Variants in SAMD3 observed in about 807,000 individuals in gnomAD.
SAMD3 encodes the protein sterile alpha motif domain containing 3.
A neutral mutation model predicts 58.5 loss-of-function variants in SAMD3; 63 were observed. The ratio of observed to expected loss-of-function variants is 1.08; its 90% CI spans 0.88 to 1.33. The LOEUF (loss-of-function observed/expected upper bound fraction) is 1.33, where lower values mean the gene tolerates loss of function less well. Ranked by LOEUF, SAMD3 falls within the 40% of genes most tolerant of loss-of-function variation. The pLI, the probability that SAMD3 is intolerant of heterozygous loss-of-function variation, is 0.00. For missense variants in SAMD3, 604 were observed against 608.4 expected (o/e 0.99, Z 0.08); for synonymous variants, 220 against 210.3 (o/e 1.05, Z -0.40).
intron 8 of SAMD3, among the ~76,000 whole-genome samples, chr6:130,172,012 C>A (rs1791296291): frequency 6.6e-6 from 1 of 152,162 alleles, no homozygotes; most frequent in African/African-American, 2.4e-5. Context: ...TCTGTTTTAT[C>A]AGAGACTAGG....
chr6:130,255,138 A>G (rs35293577), intron 2 of SAMD3, among the ~76,000 whole-genome samples: 1,842 of 152,282 alleles, frequency 0.012, 18 homozygotes, highest in Non-Finnish European at 0.021. Flanking sequence ...TTCTAGTTTC[A>G]TACCATTGTG....
Position 130,144,531 on chromosome 6 carries a change from G to C in SAMD3, c.1552C>G (p.Pro518Ala). The C allele has an allele frequency of 6.2e-7, 1 of 1,613,716 alleles. No homozygotes were observed. The highest frequency in any genetic ancestry group is 8.5e-7 in the Non-Finnish European group (1 of 1,179,854). Residue 518 changes from proline to alanine, a missense_variant, in exon 12 of 12, where the codon CCA (proline) becomes GCA (alanine). Physicochemically the swap from Pro to Ala is conservative, Grantham distance 27. Coordinates refer to ENST00000439090, the MANE Select transcript of SAMD3 (RefSeq NM_001017373.4). Reference protein sequence around the residue: ...EKENEVGFQHPLT With the variant: ...EKENEVGFQHALT ...TATTTGGCATGCTATTAAGTGAGTG[G>C]GTGCTGAAATCCTACTTCGTTTTCC...
intron 2 of SAMD3, among the ~76,000 whole-genome samples, chr6:130,292,448 G>A (rs1459352472): frequency 7.3e-5 from 11 of 151,370 alleles, no homozygotes; most frequent in Admixed American, 2.6e-4. Context: ...CACCATGCCC[G>A]GCTAATTTTT....
chr6:130,348,848 T>C (rs140084935), intron 1 of SAMD3, among the ~76,000 whole-genome samples: 2 of 151,860 alleles, frequency 1.3e-5, no homozygotes, highest in Non-Finnish European at 2.9e-5. Context: ...CCTCAGCAAA[T>C]GTAAAAGAAC....
chr6:130,229,973 T>A (rs114946452), intron 2 of SAMD3, among the ~76,000 whole-genome samples: 5 of 152,194 alleles, frequency 3.3e-5, no homozygotes, highest in Non-Finnish European at 7.3e-5. Context: ...TTTTCTCTAG[T>A]CATAATTCAT....
chr6:130,311,333 G>T (rs1394453605), intron 2 of SAMD3, among the ~76,000 whole-genome samples: 1 of 152,194 alleles, frequency 6.6e-6, no homozygotes, highest in African/African-American at 2.4e-5. Flanking sequence ...GGACATAGGG[G>T]CTTGGAGAAG....
intron 2 of SAMD3, among the ~76,000 whole-genome samples, chr6:130,298,640 C>G (rs890389917): frequency 2.0e-5 from 3 of 152,028 alleles, no homozygotes; most frequent in African/African-American, 7.2e-5. Flanking sequence ...CCTAAAGGAA[C>G]TAGATAAACA....
intron 2 of SAMD3, among the ~76,000 whole-genome samples, chr6:130,243,086 A>G (rs1280302392): frequency 6.6e-6 from 1 of 152,140 alleles, no homozygotes; most frequent in Non-Finnish European, 1.5e-5. Context: ...CCCCGCTACA[A>G]TCCCAAGAGC....
intron 7 of SAMD3, among the ~76,000 whole-genome samples, chr6:130,179,751 T>C (rs1047624293): frequency 2.6e-5 from 4 of 152,046 alleles, no homozygotes; most frequent in African/African-American, 9.7e-5. Context: ...TATGCACTTA[T>C]TGCTAATTTT....
intron 1 of SAMD3, among the ~76,000 whole-genome samples, chr6:130,322,279 A>G (rs1776611271): frequency 6.6e-6 from 1 of 152,112 alleles, no homozygotes; most frequent in African/African-American, 2.4e-5. Flanking sequence ...AGAGAGATGG[A>G]CCCCAAGGAA....
At chr6:130,240,349 C>T (rs904806867) in intron 2 of SAMD3, among the ~76,000 whole-genome samples, 1 of 152,166 alleles carries the variant, frequency 6.6e-6, no homozygotes. Context: ...CAGGACCAAA[C>T]AGAGTCAAAG....
chr6:130,334,988 T>C (rs1777057876), intron 1 of SAMD3, among the ~76,000 whole-genome samples: 1 of 152,216 alleles, frequency 6.6e-6, no homozygotes, highest in Non-Finnish European at 1.5e-5. Context: ...AAAAGATTTA[T>C]AATATTTGCA....
intron 3 of SAMD3, 112 bp from the exon 4 acceptor site, chr6:130,214,638 G>A (rs1374758561): frequency 3.1e-6 from 2 of 652,074 alleles, no homozygotes; most frequent in Non-Finnish European, 4.7e-6. Context: ...CTTGTCCCCT[G>A]ACATTATAAA....
At chr6:130,266,087 A>G (rs1774341157) in intron 2 of SAMD3, among the ~76,000 whole-genome samples, 1 of 152,182 alleles carries the variant, frequency 6.6e-6, no homozygotes, top group African/African-American at 2.4e-5. Flanking sequence ...CCTCGCTAGA[A>G]AAAAGGGGAA....
rs146392578 is a variant in SAMD3 at position 130,150,120 on chromosome 6, T to C, written c.1024-3939A>G. Among the ~76,000 whole-genome samples the C allele has an allele frequency of 8.3e-3, 1,259 of 152,066 alleles. 21 individuals are homozygous for C. The highest frequency in any genetic ancestry group is 0.028 in the African/African-American group (1,179 of 41,396). On this transcript the variant is annotated intron_variant, in intron 9 of 11. Transcript: ENST00000439090. ...GTTCATGTGTGTGTGTGTGCGCGCG[T>C]GTGTGTGTGCGTGTATTTCATTTCT...
At chr6:130,287,902 G>A (rs181055870) in intron 2 of SAMD3, among the ~76,000 whole-genome samples, 1 of 148,434 alleles carries the variant, frequency 6.7e-6, no homozygotes, top group Admixed American at 6.8e-5. Flanking sequence ...CTGAGATCAC[G>A]CCACTGCACT....
At chr6:130,193,278 A>T (rs9492485) in intron 5 of SAMD3, among the ~76,000 whole-genome samples, 1 of 149,452 alleles carries the variant, frequency 6.7e-6, no homozygotes, top group Admixed American at 6.6e-5. Context: ...TCTCCTTCAC[A>T]CTTAGCAGCA....
intron 1 of SAMD3, among the ~76,000 whole-genome samples, chr6:130,332,432 G>C (rs748469445): frequency 1.3e-5 from 2 of 152,274 alleles, no homozygotes; most frequent in South Asian, 4.1e-4. Context: ...AAAGTGTCCT[G>C]GTCAGTCCAA....
chr6:130,365,825 G>A, upstream of SAMD3: 2 of 985,684 alleles, frequency 2.0e-6, no homozygotes, highest in Non-Finnish European at 2.4e-6. Flanking sequence ...CTCCTGCAGA[G>A]CAGATCCTGT....
Sources: gnomAD v4.1 joint callset for allele counts (sites outside exome capture counted in the v4.1 genomes callset) on GRCh38, gnomAD v4.1.1 for gene constraint, MANE v1.5 for transcripts, NCBI Gene and HGNC (gene_info 2026-07-23, HGNC 2026-07-21) for gene names.